FBXO4: variants seen among roughly 807,000 people sequenced by gnomAD.
FBXO4 encodes F-box protein 4.
FBXO4 carries 36 observed loss-of-function variants against 43.7 expected under a neutral mutation model. The observed-to-expected ratio is 0.82, with a 90% CI of 0.63 to 1.09. The LOEUF (loss-of-function observed/expected upper bound fraction) is 1.09. Ranked by LOEUF, FBXO4 falls within the 50% of genes least tolerant of loss-of-function variation. FBXO4 has a pLI of 0.00. For synonymous variants in FBXO4, 180 were observed against 165.6 expected, an observed-to-expected ratio of 1.09 and a Z score of -0.67; for missense variants, 435 against 474.1, an observed-to-expected ratio of 0.92 and a Z score of 0.77.
chr5:41,935,937 C>T (rs1380607803), intron 5 of FBXO4, among the ~76,000 whole-genome samples: 2 of 152,218 alleles, frequency 1.3e-5, no homozygotes, highest in African/African-American at 4.8e-5. Flanking sequence ...CAGCATGCTG[C>T]TGGAAGAATT....
At chr5:41,934,969 C>T in intron 5 of FBXO4, 1 of 981,280 alleles carries the variant, frequency 1.0e-6, no homozygotes. Flanking sequence ...TTCTCTAATA[C>T]ACTGGTTTGA....
chr5:41,989,900 T>C, the FBXO4 span, among the ~76,000 whole-genome samples: 1 of 152,182 alleles, frequency 6.6e-6, no homozygotes, highest in Non-Finnish European at 1.5e-5. Flanking sequence ...AGATTTTGCA[T>C]AAATTTCACC....
chr5:41,996,004 A>G, the FBXO4 span, among the ~76,000 whole-genome samples: 5 of 152,086 alleles, frequency 3.3e-5, no homozygotes, highest in Non-Finnish European at 7.4e-5. Flanking sequence ...GTGCCTGCAT[A>G]TCATGCAGAA....
the FBXO4 span, among the ~76,000 whole-genome samples, chr5:42,013,519 C>A: frequency 1.2e-4 from 18 of 152,150 alleles, no homozygotes; most frequent in Non-Finnish European, 2.5e-4. Flanking sequence ...AACCTTGTTT[C>A]TTCCTTGAAT....
At chr5:41,984,419 G>A in the FBXO4 span, among the ~76,000 whole-genome samples, 2 of 152,144 alleles carry the variant, frequency 1.3e-5, no homozygotes, top group Non-Finnish European at 2.9e-5. Flanking sequence ...GAGTTAGAGG[G>A]GTAGCTCAGC....
the FBXO4 span, among the ~76,000 whole-genome samples, chr5:41,976,200 A>G: frequency 1.3e-5 from 2 of 152,122 alleles, no homozygotes; most frequent in African/African-American, 2.4e-5. Flanking sequence ...TTTGGAGGGG[A>G]AAAATGTCCA....
At chr5:41,951,514 G>A in the FBXO4 span, 89,675 of 251,938 alleles carry the variant, frequency 0.36, 19,323 homozygotes, top group African/African-American at 0.68. Context: ...AAGTCTGTTC[G>A]CCCTGAAATT....
the FBXO4 span, among the ~76,000 whole-genome samples, chr5:41,990,736 AG>A: frequency 6.6e-6 from 1 of 152,316 alleles, no homozygotes; most frequent in Admixed American, 6.5e-5. Flanking sequence ...AGAGAAGCAG[AG>A]GGGAAAAGTA....
chr5:41,973,920 G>T, the FBXO4 span, among the ~76,000 whole-genome samples: 916 of 152,158 alleles, frequency 6.0e-3, 12 homozygotes, highest in African/African-American at 0.021. Flanking sequence ...ATATAAACCT[G>T]CTGGCAATGA....
chr5:41,972,872 T>G, the FBXO4 span, among the ~76,000 whole-genome samples: 1 of 152,042 alleles, frequency 6.6e-6, no homozygotes, highest in African/African-American at 2.4e-5. Context: ...TAGCCATAAA[T>G]AGAAGATGAA....
chr5:41,980,678 C>A, the FBXO4 span, among the ~76,000 whole-genome samples: 4 of 151,876 alleles, frequency 2.6e-5, no homozygotes, highest in African/African-American at 9.7e-5. Flanking sequence ...GTATGCATCC[C>A]TTTCTTTGTG....
intron 5 of FBXO4, chr5:41,934,622 G>T: frequency 3.2e-6 from 4 of 1,232,196 alleles, no homozygotes; most frequent in Non-Finnish European, 4.1e-6. Flanking sequence ...CCAAAGTTTG[G>T]TACTAGAGCT....
chr5:42,031,577 T>G, the FBXO4 span, among the ~76,000 whole-genome samples: 1 of 151,772 alleles, frequency 6.6e-6, no homozygotes, highest in Non-Finnish European at 1.5e-5. Flanking sequence ...ACCTGCACAT[T>G]GTGCACATGT....
the FBXO4 span, among the ~76,000 whole-genome samples, chr5:42,019,141 A>C: frequency 6.6e-6 from 1 of 152,288 alleles, no homozygotes; most frequent in East Asian, 1.9e-4. Context: ...GGGGCAACTT[A>C]TATGCAATCT....
chr5:41,939,920 G>C (rs530803972), intron 6 of FBXO4, among the ~76,000 whole-genome samples: 86 of 131,944 alleles, frequency 6.5e-4, no homozygotes, highest in Admixed American at 2.6e-3. Context: ...CACGATCACA[G>C]CTTGCTGCAA....
At chr5:42,034,072 G>A in the FBXO4 span, among the ~76,000 whole-genome samples, 3 of 152,058 alleles carry the variant, frequency 2.0e-5, no homozygotes, top group African/African-American at 7.2e-5. Context: ...GGTATAAGAT[G>A]GTATCTCATT....
At chr5:41,979,869 A>G in the FBXO4 span, among the ~76,000 whole-genome samples, 1 of 152,220 alleles carries the variant, frequency 6.6e-6, no homozygotes, top group Non-Finnish European at 1.5e-5. Context: ...AAATGATCCT[A>G]TGCCCTTCAC....
At chr5:42,033,450 G>A in the FBXO4 span, among the ~76,000 whole-genome samples, 7 of 152,050 alleles carry the variant, frequency 4.6e-5, no homozygotes, top group Non-Finnish European at 7.4e-5. Context: ...ACAGATATAC[G>A]TGTGTCATGG....
At chr5:41,928,284 A>G (rs1278031672) in intron 2 of FBXO4, among the ~76,000 whole-genome samples, 3 of 151,994 alleles carry the variant, frequency 2.0e-5, no homozygotes, top group African/African-American at 4.8e-5. Flanking sequence ...ACTACCATTT[A>G]TGGTCATATA....
Sources: allele counts gnomAD v4.1 joint callset (sites outside exome capture counted in the v4.1 genomes callset), GRCh38; gene constraint gnomAD v4.1.1; transcripts MANE v1.5; gene names NCBI Gene and HGNC (gene_info 2026-07-23, HGNC 2026-07-21).